The following ZFHX3 variants were observed in gnomAD, a reference collection of about 807,000 sequenced individuals.
ZFHX3 encodes the protein zinc finger homeobox protein 3.
ZFHX3 carries 42 observed loss-of-function variants against 279.1 expected under a neutral mutation model. The observed-to-expected ratio is 0.15, with a 90% CI of 0.12 to 0.19. ZFHX3 has a LOEUF of 0.19. Ranked by LOEUF, ZFHX3 falls within the 10% of genes least tolerant of loss-of-function variation. The pLI is 1.00. For synonymous variants in ZFHX3, 2,293 were observed against 1,957.8 expected, an observed-to-expected ratio of 1.17 and a Z score of -4.52; for missense variants, 4,981 against 4,754.0, an observed-to-expected ratio of 1.05 and a Z score of -1.40.
At chr16:73,612,015 T>C (rs2052251849) in intron 2 of ZFHX3, among the ~76,000 whole-genome samples, 1 of 152,226 alleles carries the variant, frequency 6.6e-6, no homozygotes, top group South Asian at 2.1e-4. Flanking sequence ...AGACAGCAAC[T>C]GTACATAACA....
At chr16:73,447,185 A>AGAT (rs899944762) in intron 3 of ZFHX3, among the ~76,000 whole-genome samples, 1 of 151,860 alleles carries the variant, frequency 6.6e-6, no homozygotes, top group Admixed American at 6.6e-5. Context: ...CATCTCAAAA[A>AGAT]AAAAAAAAAA....
At chr16:73,002,456 A>T (rs1031681817) in intron 1 of ZFHX3, among the ~76,000 whole-genome samples, 1 of 152,094 alleles carries the variant, frequency 6.6e-6, no homozygotes, top group African/African-American at 2.4e-5. Context: ...CACATATCAC[A>T]ACTGCATACT....
chr16:73,186,719 A>G (rs775003220), intron 5 of ZFHX3, among the ~76,000 whole-genome samples: 3 of 152,096 alleles, frequency 2.0e-5, no homozygotes, highest in Non-Finnish European at 2.9e-5. Flanking sequence ...TCCTAACGAT[A>G]AAGTTGTTAC....
chr16:73,518,433 G>A (rs1235677394), intron 2 of ZFHX3, among the ~76,000 whole-genome samples: 1 of 152,204 alleles, frequency 6.6e-6, no homozygotes, highest in Non-Finnish European at 1.5e-5. Flanking sequence ...ATTCTGGGAA[G>A]TCACCTTATC....
At chr16:73,740,536 A>G (rs1159291780) in intron 1 of ZFHX3, among the ~76,000 whole-genome samples, 4 of 152,188 alleles carry the variant, frequency 2.6e-5, no homozygotes, top group South Asian at 2.1e-4. Context: ...CATAAGAAAA[A>G]GAAAAAAAAT....
At position 72,787,397 on chromosome 16, in the gene ZFHX3, CTGCCGAAGCCCGGGAGACCACT is replaced by C; in HGVS notation, c.10857_10878del (p.Val3620ArgfsTer67). On this transcript the variant is annotated frameshift_variant, in exon 10 of 10. Transcript: ENST00000268489. LOFTEE classifies it high-confidence loss of function. ...AGAGGAGGAAAAGAAGGGGGCTTCG[CTGCCGAAGCCCGGGAGACCACT>C]TGCGGCCAAGACTTCCTGGAGGCGT... 1 of 1,602,028 alleles carries C rather than the reference CTGCCGAAGCCCGGGAGACCACT, an allele frequency of 6.2e-7. No individual in the cohort carries two copies. The highest frequency in any genetic ancestry group is 8.5e-7 in the Non-Finnish European group (1 of 1,172,252).
intron 2 of ZFHX3, among the ~76,000 whole-genome samples, chr16:73,509,726 C>T (rs1364453754): frequency 3.0e-5 from 4 of 131,174 alleles, no homozygotes; most frequent in African/African-American, 6.1e-5. Flanking sequence ...GACAGGGTCT[C>T]GCTCTGTTGC....
intron 6 of ZFHX3, among the ~76,000 whole-genome samples, chr16:73,134,331 CTTTTTTT>C (rs58052486): frequency 0.043 from 2,142 of 50,278 alleles, 37 homozygotes; most frequent in Non-Finnish European, 0.056. Context: ...CTCCCCACCT[CTTTTTTT>C]TTTTTTTTTT....
intron 3 of ZFHX3, among the ~76,000 whole-genome samples, chr16:73,416,852 C>A (rs563963524): frequency 2.6e-5 from 4 of 151,318 alleles, no homozygotes; most frequent in Non-Finnish European, 4.4e-5. Flanking sequence ...CCAGCCTGGG[C>A]GACAGAGCGA....
At chr16:73,102,930 T>G (rs1966249600) in intron 7 of ZFHX3, among the ~76,000 whole-genome samples, 1 of 152,102 alleles carries the variant, frequency 6.6e-6, no homozygotes, top group South Asian at 2.1e-4. Context: ...CATCTTTGTT[T>G]GTTTGTTTTT....
intron 1 of ZFHX3, among the ~76,000 whole-genome samples, chr16:73,726,718 C>T (rs749142424): frequency 2.1e-4 from 32 of 152,064 alleles, no homozygotes; most frequent in Non-Finnish European, 3.5e-4. Flanking sequence ...GAGGAGGAGG[C>T]GCCATACTTT....
intron 5 of ZFHX3, among the ~76,000 whole-genome samples, chr16:72,825,189 G>C (rs1316363347): frequency 2.6e-5 from 4 of 152,182 alleles, no homozygotes; most frequent in Admixed American, 2.0e-4. Flanking sequence ...TCCAAATCTA[G>C]AGTCTTTCCA....
chr16:73,110,468 A>G (rs1966359294), intron 7 of ZFHX3, among the ~76,000 whole-genome samples: 1 of 152,224 alleles, frequency 6.6e-6, no homozygotes, highest in Admixed American at 6.5e-5. Context: ...TTTATTATGT[A>G]ATTTTAAAAA....
intron 2 of ZFHX3, among the ~76,000 whole-genome samples, chr16:73,612,304 G>A (rs1056147968): frequency 6.6e-6 from 1 of 152,114 alleles, no homozygotes; most frequent in Admixed American, 6.5e-5. Context: ...ACCTCATGAG[G>A]CAAGCTTCAG....
intron 3 of ZFHX3, among the ~76,000 whole-genome samples, chr16:73,408,806 C>A (rs905982242): frequency 6.6e-6 from 1 of 152,016 alleles, no homozygotes; most frequent in East Asian, 1.9e-4. Flanking sequence ...GCATGGAACT[C>A]AGGTGTTTGG....
intron 5 of ZFHX3, among the ~76,000 whole-genome samples, chr16:73,224,887 T>A (rs1305196720): frequency 6.6e-6 from 1 of 152,144 alleles, no homozygotes; most frequent in East Asian, 1.9e-4. Context: ...AATTGCAGAA[T>A]GCTCTGATTT....
At chr16:72,952,289 C>T (rs1379486754) in intron 2 of ZFHX3, among the ~76,000 whole-genome samples, 1 of 152,216 alleles carries the variant, frequency 6.6e-6, no homozygotes, top group Non-Finnish European at 1.5e-5. Flanking sequence ...CTCTACTCCT[C>T]ACTGCTGCCC....
At chr16:73,608,542 G>A (rs561701280) in intron 2 of ZFHX3, 5 of 152,250 alleles carry the variant, frequency 3.3e-5, no homozygotes, top group African/African-American at 1.2e-4. Context: ...TTATCTTGAT[G>A]AAATTGAAAA....
chr16:73,513,711 G>T (rs1387235758), intron 2 of ZFHX3, among the ~76,000 whole-genome samples: 1 of 152,128 alleles, frequency 6.6e-6, no homozygotes, highest in South Asian at 2.1e-4. Context: ...CATTGGTCAG[G>T]AGCCTGGAAG....
Sources: allele counts gnomAD v4.1 joint callset (sites outside exome capture counted in the v4.1 genomes callset), GRCh38; gene constraint gnomAD v4.1.1; transcripts MANE v1.5; gene names NCBI Gene and HGNC (gene_info 2026-07-23, HGNC 2026-07-21).